The following MCTP2 variants were observed in gnomAD, a reference collection of about 807,000 sequenced individuals.
MCTP2 encodes the protein multiple C2 and transmembrane domain-containing protein 2.
In MCTP2, 132 loss-of-function variants were observed where a neutral mutation model predicts 111.6. The observed-to-expected ratio is 1.18, with a 90% CI of 1.03 to 1.37. The LOEUF (loss-of-function observed/expected upper bound fraction) is 1.37, where lower values mean the gene tolerates loss of function less well. MCTP2 is among the 40% of genes most tolerant of loss of function. The pLI is 0.00. For synonymous variants in MCTP2, 395 were observed against 387.7 expected (o/e 1.02, Z -0.22); for missense variants, 1,183 against 1,067.9 (o/e 1.11, Z -1.50).
chr15:94,323,919 C>G (rs967922907), intron 4 of MCTP2, among the ~76,000 whole-genome samples: 2 of 152,132 alleles, frequency 1.3e-5, no homozygotes, highest in Non-Finnish European at 2.9e-5. Context: ...TCCTTATATT[C>G]CCCATTTCCT....
At chr15:94,258,965 A>G (rs1225376679) in intron 1 of MCTP2, among the ~76,000 whole-genome samples, 2 of 152,256 alleles carry the variant, frequency 1.3e-5, no homozygotes, top group African/African-American at 4.8e-5. Flanking sequence ...ATGTACATGT[A>G]CTATGGTGCT....
At chr15:94,375,536 C>T (rs920125923) in intron 12 of MCTP2, among the ~76,000 whole-genome samples, 3 of 152,012 alleles carry the variant, frequency 2.0e-5, no homozygotes, top group Non-Finnish European at 2.9e-5. Flanking sequence ...TTTATTTCAC[C>T]CTTGAGACTT....
intron 1 of MCTP2, among the ~76,000 whole-genome samples, chr15:94,254,752 G>T (rs1346756366): frequency 2.6e-5 from 4 of 152,140 alleles, no homozygotes; most frequent in Admixed American, 6.5e-5. Flanking sequence ...ATGAATAAAT[G>T]AATTTAAATT....
rs75513668 is a variant in MCTP2 at position 94,391,576 on chromosome 15, C to G, written c.1788+6051C>G. On this transcript the variant is annotated intron_variant, in intron 14 of 22. Transcript: ENST00000357742. ...GGGAAATTATTTGATAAACACAAAA[C>G]TTGAGTCCCAAGTGGGGCGAAAATG... 2.2e-3 allele frequency among the ~76,000 whole-genome samples: 330 copies of G among 152,244 alleles called. 1 individual carries two copies. Among genetic ancestry groups the G allele is most frequent in the African/African-American group, 7.7e-3 (320 of 41,556 alleles).
At chr15:94,317,251 C>T (rs780977345) in intron 4 of MCTP2, among the ~76,000 whole-genome samples, 1 of 152,048 alleles carries the variant, frequency 6.6e-6, no homozygotes, top group Non-Finnish European at 1.5e-5. Context: ...TTCTCTGGAG[C>T]GGTTTGCTTA....
chr15:94,388,987 G>A lies in MCTP2; in HGVS notation c.1788+3462G>A, dbSNP rs532785662. ...GTGCCGTCAGGGTCGGGGTTGGGGG[G>A]TGGCAGGAGGGACACAGACTTGAAG... On this transcript the variant is annotated intron_variant, in intron 14 of 22. Coordinates refer to ENST00000357742, the MANE Select transcript of MCTP2 (RefSeq NM_001385001.1). Among the ~76,000 whole-genome samples the A allele has an allele frequency of 6.6e-5, 10 of 152,312 alleles. No homozygotes were observed. The East Asian group carries it at 1.9e-3, about 29-fold the overall frequency.
chr15:94,258,807 T>G (rs774278129), intron 1 of MCTP2, among the ~76,000 whole-genome samples: 15 of 152,208 alleles, frequency 9.9e-5, no homozygotes, highest in Non-Finnish European at 1.5e-5. Flanking sequence ...GCAGTTTTGT[T>G]ATTTGTTTTC....
rs541308484 is a variant in MCTP2, at chr15:94,476,728, C to T, written c.2503C>T (p.Pro835Ser). The T allele has an allele frequency of 6.2e-7, 1 of 1,607,188 alleles. No individual in the cohort carries two copies. Among genetic ancestry groups the T allele is most frequent in the East Asian group, 2.2e-5 (1 of 44,820 alleles). ...TAAATTTACTAAGAAGCTTCGAAATCCCTATTCCATCGACAATAATGAGCT... is the reference window on the plus strand; with the variant it reads ...TAAATTTACTAAGAAGCTTCGAAATTCCTATTCCATCGACAATAATGAGCT... ...INKFTKKLRN[P>S]YSIDNNELLD... is the part of the protein sequence containing the mutation. The change falls in exon 22 of 23, where the codon CCC (proline) becomes TCC (serine). Residue 835 changes from proline to serine, a missense_variant. By Grantham distance (74) the Pro-to-Ser change is moderately conservative. Coordinates refer to ENST00000357742, the MANE Select transcript of MCTP2 (RefSeq NM_001385001.1).
At chr15:94,325,767 C>T (rs528842690) in intron 4 of MCTP2, among the ~76,000 whole-genome samples, 26 of 151,078 alleles carry the variant, frequency 1.7e-4, no homozygotes, top group Middle Eastern at 3.4e-3. Flanking sequence ...AGGCACACCA[C>T]TAGGCCTTAC....
chr15:94,467,453 G>A (rs2073471191), intron 20 of MCTP2, among the ~76,000 whole-genome samples: 2 of 123,364 alleles, frequency 1.6e-5, no homozygotes, highest in South Asian at 5.0e-4. Context: ...GGAATATAAA[G>A]TCTTTATTTT....
chr15:94,454,896 C>T (rs1328807058), intron 19 of MCTP2, among the ~76,000 whole-genome samples: 1 of 152,146 alleles, frequency 6.6e-6, no homozygotes, highest in Admixed American at 6.5e-5. Context: ...TCTTGCCTCA[C>T]CGCAACCTCT....
At chr15:94,292,621 G>A (rs1375943428) in intron 1 of MCTP2, among the ~76,000 whole-genome samples, 2 of 152,182 alleles carry the variant, frequency 1.3e-5, no homozygotes, top group Non-Finnish European at 2.9e-5. Flanking sequence ...GGAAGACCTA[G>A]ATAAATGAAG....
intron 2 of MCTP2, among the ~76,000 whole-genome samples, chr15:94,304,249 C>T (rs1212646935): frequency 6.6e-6 from 1 of 152,172 alleles, no homozygotes; most frequent in African/African-American, 2.4e-5. Flanking sequence ...CAAGACCAGC[C>T]TTGCCAACGT....
At chr15:94,257,569 GTTTTTTTTTTTTTTTTTT>G (rs760633548) in intron 1 of MCTP2, among the ~76,000 whole-genome samples, 14 of 33,866 alleles carry the variant, frequency 4.1e-4, no homozygotes, top group Middle Eastern at 0.019. Flanking sequence ...TTTCTTTGTT[GTTTTTTTTTTTTTTTTTT>G]TTTTTTTTTT....
chr15:94,453,344 C>G lies in MCTP2; in HGVS notation c.2251-4793C>G, dbSNP rs377311719. Among the ~76,000 whole-genome samples, 5 of 152,280 alleles carry G rather than the reference C, an allele frequency of 3.3e-5. No individual in the cohort carries two copies. The East Asian group carries it at 9.7e-4, about 29-fold the overall frequency. On this transcript the variant is annotated intron_variant, in intron 19 of 22. Coordinates refer to ENST00000357742, the MANE Select transcript of MCTP2 (RefSeq NM_001385001.1). ...ACTAACATCCAGCTTTAAAGGAAAG[C>G]TTCTGCATGGTCCATAATAAAACAA... is the stretch of plus-strand genomic sequence containing the variant.
At chr15:94,416,226 G>T in intron 17 of MCTP2, among the ~76,000 whole-genome samples, 1 of 152,006 alleles carries the variant, frequency 6.6e-6, no homozygotes, top group South Asian at 2.1e-4. Context: ...AATTCAAGAT[G>T]GTAGTCTGAC....
rs1306559253 is a variant in MCTP2 at position 94,314,333 on chromosome 15, G to A, written c.517G>A (p.Glu173Lys). Residue 173 changes from glutamate to lysine, a missense_variant, in exon 3 of 23, where the codon GAA (glutamate) becomes AAA (lysine). Physicochemically the swap from Glu to Lys is moderately conservative, Grantham distance 56. Coordinates refer to ENST00000357742, the MANE Select transcript of MCTP2 (RefSeq NM_001385001.1). ...LNASMTSQHFEEQSVPGEASD... is the reference protein window; with the variant it reads ...LNASMTSQHFKEQSVPGEASD... ...TGCTTCTATGACATCTCAACATTTT[G>A]AAGAACAATCTGTGAGTGGCATTCC... 3 of 1,604,580 alleles carry A rather than the reference G, an allele frequency of 1.9e-6. No individual in the cohort carries two copies. The highest frequency in any genetic ancestry group is 2.6e-6 in the Non-Finnish European group (3 of 1,174,716).
intron 19 of MCTP2, among the ~76,000 whole-genome samples, chr15:94,457,618 G>A: frequency 6.6e-6 from 1 of 152,150 alleles, no homozygotes; most frequent in Admixed American, 6.5e-5. Context: ...GCCAAAGGAT[G>A]GATGAAATGT....
chr15:94,452,536 TA>T (rs997239856), intron 19 of MCTP2, among the ~76,000 whole-genome samples: 2 of 152,178 alleles, frequency 1.3e-5, no homozygotes, highest in African/African-American at 2.4e-5. Flanking sequence ...AATACTACTA[TA>T]AACCTGATAA....
Sources: gnomAD v4.1 joint callset for allele counts (sites outside exome capture counted in the v4.1 genomes callset) on GRCh38, gnomAD v4.1.1 for gene constraint, MANE v1.5 for transcripts, NCBI Gene and HGNC (gene_info 2026-07-23, HGNC 2026-07-21) for gene names.